Variants in PLEKHG1 observed in about 807,000 individuals in gnomAD.
PLEKHG1 encodes the protein pleckstrin homology domain-containing family G member 1.
Under a neutral mutation model 100.8 loss-of-function variants are expected in PLEKHG1, and 44 were observed. The observed-to-expected ratio is 0.44, with a 90% CI of 0.34 to 0.56. PLEKHG1 has a LOEUF of 0.56. Ranked by LOEUF, PLEKHG1 falls within the 20% of genes least tolerant of loss-of-function variation. The probability of loss-of-function intolerance (pLI) is 0.01; values close to 1 mark genes in which losing one functional copy is unlikely to be tolerated. For missense variants in PLEKHG1, 1,545 were observed against 1,720.9 expected (o/e 0.90, Z 1.81); for synonymous variants, 640 against 662.5 (o/e 0.97, Z 0.52).
intron 1 of PLEKHG1, among the ~76,000 whole-genome samples, chr6:150,609,581 T>TA (rs1776738333): frequency 2.0e-5 from 3 of 152,092 alleles, no homozygotes; most frequent in African/African-American, 7.2e-5. Flanking sequence ...CAGGTCTTTA[T>TA]AACATCAAAG....
intron 3 of PLEKHG1, among the ~76,000 whole-genome samples, chr6:150,691,544 T>A (rs568803383): frequency 1.3e-5 from 2 of 152,350 alleles, no homozygotes; most frequent in East Asian, 3.9e-4. Context: ...AATAATAATT[T>A]CTGTCTGTAG....
At chr6:150,763,791 G>A (rs7772605) in intron 2 of PLEKHG1, among the ~76,000 whole-genome samples, 37,692 of 152,114 alleles carry the variant, frequency 0.25, 6,500 homozygotes, top group African/African-American at 0.47. Context: ...TGTACTCATT[G>A]ACTTTAACTC....
rs951853753 is a variant in PLEKHG1, at chr6:150,683,232, G to A, written c.-99+32446G>A. On this transcript the variant is annotated intron_variant, in intron 3 of 3. Transcript: ENST00000367326. This position sits in a 1 kb window ranked among gnomAD's most constrained non-coding sequence, Gnocchi z 4.0. ...AAATTTAGAGAATAGTTGTCAACTC[G>A]TCATGATAGGACATTAGCAACAAAC... Among the ~76,000 whole-genome samples the A allele has an allele frequency of 2.6e-5, 4 of 152,188 alleles. No homozygotes were observed. Among genetic ancestry groups the A allele is most frequent in the Non-Finnish European group, 2.9e-5 (2 of 68,034 alleles).
intron 1 of PLEKHG1, among the ~76,000 whole-genome samples, chr6:150,626,866 G>T (rs968827318): frequency 2.0e-5 from 3 of 152,146 alleles, no homozygotes; most frequent in East Asian, 3.9e-4. Flanking sequence ...CCCATTGTAG[G>T]TCTAGGTTAC....
At chr6:150,775,386 C>A (rs1419882566) in intron 3 of PLEKHG1, among the ~76,000 whole-genome samples, 1 of 152,150 alleles carries the variant, frequency 6.6e-6, no homozygotes, top group Non-Finnish European at 1.5e-5. Flanking sequence ...TCAATTGTTT[C>A]TTAGGAGATT....
At chr6:150,728,925 A>G (rs1343612433) in intron 1 of PLEKHG1, among the ~76,000 whole-genome samples, 1 of 152,244 alleles carries the variant, frequency 6.6e-6, no homozygotes, top group Non-Finnish European at 1.5e-5. Flanking sequence ...AAATGAAACC[A>G]GTGAAAATAA....
At chr6:150,701,045 C>A (rs1228560331) in intron 3 of PLEKHG1, among the ~76,000 whole-genome samples, 4 of 151,730 alleles carry the variant, frequency 2.6e-5, no homozygotes, top group African/African-American at 9.7e-5. Context: ...TTAGGCTGGG[C>A]ACAGTGGCTT....
At position 150,827,026 on chromosome 6, in the gene PLEKHG1, C is replaced by A. The variant is rs1013250421; in HGVS notation, c.1470+3350C>A. Among the ~76,000 whole-genome samples, 3 of 144,434 alleles carry A rather than the reference C, an allele frequency of 2.1e-5. No homozygotes were observed. In the Admixed American group the frequency reaches 2.1e-4, roughly 10 times the overall value. The allele number at this position is 144,434 out of a possible 152,430, so 94.8% of individuals were successfully genotyped here. A position where few individuals can be genotyped will look rare whatever the true frequency, so the allele number is the denominator to read the frequency against. On this transcript the variant is annotated intron_variant, in intron 14 of 15. Coordinates refer to ENST00000358517, the Ensembl canonical transcript of PLEKHG1. ...TTCCTTTCCTTCCTTTATTTCCTTT[C>A]TTTCCTTTCTCTTTCTTTTCTTCCT...
chr6:150,827,275 T>TCC (rs1209386616), intron 14 of PLEKHG1, among the ~76,000 whole-genome samples: 1 of 151,416 alleles, frequency 6.6e-6, no homozygotes, highest in African/African-American at 2.4e-5. Flanking sequence ...AAAAACTGCT[T>TCC]TCTTTTTTTT....
intron 1 of PLEKHG1, among the ~76,000 whole-genome samples, chr6:150,628,578 C>CACACACA (rs1263436444): frequency 1.0e-3 from 32 of 32,104 alleles, no homozygotes; most frequent in Non-Finnish European, 1.7e-3. Context: ...ACACACACAC[C>CACACACA]CCGTCCTTGC....
chr6:150,740,877 A>G (rs1446941753), intron 2 of PLEKHG1, among the ~76,000 whole-genome samples: 3 of 152,228 alleles, frequency 2.0e-5, no homozygotes, highest in Non-Finnish European at 4.4e-5. Flanking sequence ...CTTAAATAGT[A>G]CATCTAATCA....
chr6:150,666,179 T>C (rs910501002), intron 3 of PLEKHG1, among the ~76,000 whole-genome samples: 1 of 152,212 alleles, frequency 6.6e-6, no homozygotes, highest in African/African-American at 2.4e-5. Context: ...ATAATGCAGC[T>C]TCCTGGACAA....
At chr6:150,786,333 A>G (rs1487229850) in intron 3 of PLEKHG1, 57 bp from the exon 5 acceptor site, 1 of 1,100,106 alleles carries the variant, frequency 9.1e-7, no homozygotes, top group African/African-American at 1.6e-5. Flanking sequence ...ATTATACAAA[A>G]TGTACTCACC....
At chr6:150,700,765 A>G (rs1262202901) in intron 3 of PLEKHG1, among the ~76,000 whole-genome samples, 1 of 152,092 alleles carries the variant, frequency 6.6e-6, no homozygotes, top group Non-Finnish European at 1.5e-5. Context: ...CTTCATCCAT[A>G]AAGTGGAGAC....
intron 1 of PLEKHG1, among the ~76,000 whole-genome samples, chr6:150,610,113 T>C (rs1412409184): frequency 1.3e-5 from 2 of 150,018 alleles, no homozygotes; most frequent in African/African-American, 5.1e-5. Context: ...TCTTTCCTTC[T>C]TTCTTTCTTT....
chr6:150,701,084 T>C (rs6916149), intron 3 of PLEKHG1, among the ~76,000 whole-genome samples: 67,390 of 151,448 alleles, frequency 0.44, 15,061 homozygotes, highest in African/African-American at 0.49. Context: ...CTTTGGGAGG[T>C]TGAGGTGGGT....
intron 3 of PLEKHG1, among the ~76,000 whole-genome samples, chr6:150,685,031 T>A (rs1230026993): frequency 6.6e-6 from 1 of 152,142 alleles, no homozygotes; most frequent in Non-Finnish European, 1.5e-5. Flanking sequence ...CCTTGCAGTT[T>A]CCTGCAGTGG....
intron 1 of PLEKHG1, chr6:150,721,243 C>G: frequency 1.1e-6 from 1 of 874,180 alleles, no homozygotes; most frequent in African/African-American, 1.8e-5. Flanking sequence ...GATGCAGGAA[C>G]AAACGCTCCT....
intron 14 of PLEKHG1, among the ~76,000 whole-genome samples, chr6:150,825,908 G>T (rs1373170959): frequency 3.3e-5 from 5 of 152,224 alleles, no homozygotes; most frequent in Non-Finnish European, 5.9e-5. Context: ...GCCTGGCATG[G>T]TGGCTCACGC....
Sources: gnomAD v4.1 joint callset for allele counts (sites outside exome capture counted in the v4.1 genomes callset) on GRCh38, gnomAD v4.1.1 for gene constraint, Gnocchi (gnomAD v3.1) non-coding constraint, MANE v1.5 for transcripts, NCBI Gene and HGNC (gene_info 2026-07-23, HGNC 2026-07-21) for gene names.